Variants in PTPRR observed in about 807,000 individuals in gnomAD.
The protein encoded by PTPRR is protein tyrosine phosphatase receptor type R, also known as receptor-type tyrosine-protein phosphatase R.
In PTPRR, 38 loss-of-function variants were observed where a neutral mutation model predicts 77.2. That is an observed-to-expected ratio of 0.49 (90% CI 0.38 to 0.65). The LOEUF (loss-of-function observed/expected upper bound fraction) is 0.65. Among genes scored for constraint, PTPRR ranks in the 30% least tolerant of loss-of-function variants. The pLI is 0.00. For synonymous variants in PTPRR, 299 were observed against 283.1 expected (o/e 1.06, Z -0.57); for missense variants, 744 against 799.2 (o/e 0.93, Z 0.83).
chr12:70,912,654 A>T (rs1361556051), intron 1 of PTPRR, among the ~76,000 whole-genome samples: 1 of 152,096 alleles, frequency 6.6e-6, no homozygotes, highest in Non-Finnish European at 1.5e-5. Flanking sequence ...ATCAAATGAG[A>T]TTTGATTATG....
chr12:70,891,726 A>G (rs551816137), intron 2 of PTPRR, among the ~76,000 whole-genome samples: 2 of 152,230 alleles, frequency 1.3e-5, no homozygotes, highest in South Asian at 2.1e-4. Context: ...TGGAACTTTG[A>G]TTCTCAATAT....
chr12:70,667,953 T>C (rs1005412564), intron 10 of PTPRR, among the ~76,000 whole-genome samples: 1 of 152,114 alleles, frequency 6.6e-6, no homozygotes, highest in Non-Finnish European at 1.5e-5. Context: ...GGACGACTTC[T>C]CCCTCATAAT....
intron 2 of PTPRR, among the ~76,000 whole-genome samples, chr12:70,821,825 T>A (rs1223695195): frequency 2.0e-5 from 3 of 151,828 alleles, no homozygotes; most frequent in Non-Finnish European, 4.4e-5. Flanking sequence ...CCACCACGCC[T>A]GCCTAATTTT....
At chr12:70,864,107 A>G (rs1892800421) in intron 2 of PTPRR, among the ~76,000 whole-genome samples, 1 of 152,206 alleles carries the variant, frequency 6.6e-6, no homozygotes, top group Non-Finnish European at 1.5e-5. Flanking sequence ...AAGCTGCAAA[A>G]TCAGAAAATG....
At chr12:70,643,499 T>G (rs376670330) in intron 13 of PTPRR, among the ~76,000 whole-genome samples, 4 of 152,116 alleles carry the variant, frequency 2.6e-5, no homozygotes, top group East Asian at 3.9e-4. Context: ...GATAGGCTGG[T>G]CATAGCAAAA....
intron 2 of PTPRR, among the ~76,000 whole-genome samples, chr12:70,778,496 C>T (rs915698846): frequency 6.6e-6 from 1 of 152,160 alleles, no homozygotes; most frequent in Non-Finnish European, 1.5e-5. Context: ...TTGGTCTCAT[C>T]TTCAAAGACA....
At chr12:70,663,044 C>T (rs1886852875) in intron 10 of PTPRR, among the ~76,000 whole-genome samples, 2 of 152,148 alleles carry the variant, frequency 1.3e-5, no homozygotes, top group South Asian at 4.1e-4. Context: ...CATTTTCCTG[C>T]TTCAACAAAC....
intron 6 of PTPRR, among the ~76,000 whole-genome samples, chr12:70,704,147 GATGTTGGCTGAC>G (rs1278045075): frequency 6.6e-6 from 1 of 151,922 alleles, no homozygotes; most frequent in Non-Finnish European, 1.5e-5. Flanking sequence ...ATAGTCCAGG[GATGTTGGCTGAC>G]ATCTGTAATC....
intron 2 of PTPRR, among the ~76,000 whole-genome samples, chr12:70,788,379 A>G (rs1891364905): frequency 6.6e-6 from 1 of 152,212 alleles, no homozygotes; most frequent in Non-Finnish European, 1.5e-5. Flanking sequence ...GATTTAGTGA[A>G]TTAACCCACT....
chr12:70,742,507 G>T (rs1327189270), intron 6 of PTPRR, among the ~76,000 whole-genome samples: 1 of 152,140 alleles, frequency 6.6e-6, no homozygotes, highest in Non-Finnish European at 1.5e-5. Flanking sequence ...CCAAGGGGGT[G>T]TTTAGCAGGA....
At position 70,862,646 on chromosome 12, in the gene PTPRR, C is replaced by T. The variant is rs202234837; in HGVS notation, c.357+30033G>A. ...AGGAGATGTACCTAATGCTAAATGA[C>T]GTGTTAATGGGTGCAGCACACCAGC... On this transcript the variant is annotated intron_variant, in intron 2 of 13. Coordinates refer to ENST00000283228, the MANE Select transcript of PTPRR (RefSeq NM_002849.4). Among the ~76,000 whole-genome samples, 109 of 150,602 alleles carry T rather than the reference C, an allele frequency of 7.2e-4. 2 individuals carry two copies. In the East Asian group the frequency reaches 0.014, roughly 19 times the overall value.
chr12:70,693,705 T>TG (rs1888132681), intron 8 of PTPRR, among the ~76,000 whole-genome samples: 1 of 146,322 alleles, frequency 6.8e-6, no homozygotes, highest in Admixed American at 6.8e-5. Flanking sequence ...TAGCTTGTAC[T>TG]AAAAAAAAAA....
chr12:70,842,736 A>T (rs978913971), intron 2 of PTPRR, among the ~76,000 whole-genome samples: 2 of 152,208 alleles, frequency 1.3e-5, no homozygotes, highest in African/African-American at 4.8e-5. Context: ...TGACCTCTTC[A>T]TGTCAAGAGT....
Position 70,898,514 on chromosome 12 carries a change from A to AAT in PTPRR, c.59-5539_59-5538dup, listed in dbSNP as rs1486820960. ...CATATTACATATTACATATTCAATA[A>AAT]ATATATATATTTTAAAAATCCTTAA... On this transcript the variant is annotated intron_variant, in intron 1 of 13. Coordinates refer to ENST00000283228, the MANE Select transcript of PTPRR (RefSeq NM_002849.4). Among the ~76,000 whole-genome samples, 11 of 148,368 alleles carry AAT rather than the reference A, an allele frequency of 7.4e-5. 1 individual carries two copies. The highest frequency in any genetic ancestry group is 1.6e-4 in the Non-Finnish European group (11 of 66,978).
chr12:70,828,068 C>G (rs943936674), intron 2 of PTPRR, among the ~76,000 whole-genome samples: 1 of 152,140 alleles, frequency 6.6e-6, no homozygotes, highest in Non-Finnish European at 1.5e-5. Context: ...AGGTTCTGCT[C>G]TCATGACTTG....
intron 6 of PTPRR, among the ~76,000 whole-genome samples, chr12:70,711,271 T>A (rs543328260): frequency 6.6e-6 from 1 of 152,202 alleles, no homozygotes; most frequent in South Asian, 2.1e-4. Flanking sequence ...GCCATTAGCC[T>A]TAGCAAACTA....
chr12:70,910,564 G>A (rs1893685763), intron 1 of PTPRR, among the ~76,000 whole-genome samples: 1 of 152,156 alleles, frequency 6.6e-6, no homozygotes, highest in Non-Finnish European at 1.5e-5. Context: ...TTGAGAGGAA[G>A]ACTTTTTATT....
intron 6 of PTPRR, among the ~76,000 whole-genome samples, chr12:70,727,279 T>C (rs1351689869): frequency 1.3e-5 from 2 of 152,126 alleles, no homozygotes; most frequent in African/African-American, 4.8e-5. Flanking sequence ...AATTCAAATG[T>C]CCTCATGGAC....
At chr12:70,893,041 C>G (rs1330346213) in intron 1 of PTPRR, 64 bp from the exon 2 acceptor site, 2 of 1,513,096 alleles carry the variant, frequency 1.3e-6, no homozygotes, top group Non-Finnish European at 1.8e-6. Context: ...GTAGATATAT[C>G]TGATGAAGAG....
Sources: gnomAD v4.1 joint callset for allele counts (sites outside exome capture counted in the v4.1 genomes callset) on GRCh38, gnomAD v4.1.1 for gene constraint, MANE v1.5 for transcripts, NCBI Gene and HGNC (gene_info 2026-07-23, HGNC 2026-07-21) for gene names.